SKP2: variants seen among roughly 807,000 people sequenced by gnomAD.
The protein encoded by SKP2 is S-phase kinase associated protein 2.
SKP2 carries 16 observed loss-of-function variants against 51.8 expected under a neutral mutation model. That is an observed-to-expected ratio of 0.31 (90% CI 0.21 to 0.47). SKP2 has a LOEUF of 0.47. Among genes scored for constraint, SKP2 ranks in the 20% least tolerant of loss-of-function variants. The probability of loss-of-function intolerance (pLI) is 1.00; values close to 1 mark genes in which losing one functional copy is unlikely to be tolerated. For missense variants in SKP2, 377 were observed against 505.3 expected, an observed-to-expected ratio of 0.75 and a Z score of 2.43; for synonymous variants, 176 against 198.6, an observed-to-expected ratio of 0.89 and a Z score of 0.96.
chr5:36,162,294 A>G (rs1202606293), intron 2 of SKP2, among the ~76,000 whole-genome samples: 1 of 152,168 alleles, frequency 6.6e-6, no homozygotes, highest in East Asian at 1.9e-4. Context: ...GCTATGCCTC[A>G]AACACACATG....
chr5:36,184,100 G>A lies in SKP2; in HGVS notation c.*2069G>A, dbSNP rs895894279. ...TAAGTGCTGTGGTTAAAATTTGAAAGCATTTAGTGTGGTATGCCATTTGGC... is the reference window on the plus strand; with the variant it reads ...TAAGTGCTGTGGTTAAAATTTGAAAACATTTAGTGTGGTATGCCATTTGGC... On this transcript the variant is annotated 3_prime_UTR_variant, in exon 10 of 10. Coordinates refer to ENST00000274255, the MANE Select transcript of SKP2 (RefSeq NM_005983.4). 10 of 723,916 alleles carry A rather than the reference G, an allele frequency of 1.4e-5. No individual in the cohort carries two copies. The highest frequency in any genetic ancestry group is 2.0e-5 in the Non-Finnish European group (9 of 446,022). The allele number at this position is 723,916 out of a possible 1,614,324, so 44.8% of individuals were successfully genotyped here.
chr5:36,190,265 G>A (rs1028830415), intron 6 of SKP2, among the ~76,000 whole-genome samples: 5 of 151,938 alleles, frequency 3.3e-5, no homozygotes, highest in Admixed American at 6.6e-5. Flanking sequence ...AGACGAACCC[G>A]GTACCCCAGT....
intron 9 of SKP2, chr5:36,180,201 A>G: frequency 8.7e-7 from 1 of 1,149,186 alleles, no homozygotes; most frequent in Non-Finnish European, 1.2e-6. Context: ...GCTAATTTGG[A>G]TATACCAGAA....
At chr5:36,177,046 A>G in intron 8 of SKP2, 30 bp downstream of exon 8, 1 of 1,505,146 alleles carries the variant, frequency 6.6e-7, no homozygotes, top group African/African-American at 1.4e-5. Flanking sequence ...TTTTAGATCA[A>G]AAGTTGAAAA....
In SKP2 at chr5:36,171,530, T is replaced by G. The variant is rs911179604; in HGVS notation, c.771-73T>G. The G allele has an allele frequency of 6.8e-6, 9 of 1,330,286 alleles. No homozygotes were observed. In the African/African-American group the frequency reaches 1.3e-4, roughly 19 times the overall value. The allele number at this position is 1,330,286 out of a possible 1,614,324, so 82.4% of individuals were successfully genotyped here. A position where few individuals can be genotyped will look rare whatever the true frequency, so the allele number is the denominator to read the frequency against. ...GGAATCCATGGTTTTATATTTTCTTTGTTTGCAGTTTGAGGCAAACTCATT... is the reference window on the plus strand; with the variant it reads ...GGAATCCATGGTTTTATATTTTCTTGGTTTGCAGTTTGAGGCAAACTCATT... On this transcript the variant is annotated intron_variant, in intron 6 of 9. Transcript: ENST00000274255.
chr5:36,157,930 C>G (rs146270029), intron 2 of SKP2, among the ~76,000 whole-genome samples: 58 of 152,292 alleles, frequency 3.8e-4, no homozygotes, highest in Non-Finnish European at 5.9e-4. Flanking sequence ...ATAGAAAACT[C>G]TCCAACAAGG....
At chr5:36,161,676 G>A (rs920250905) in intron 2 of SKP2, among the ~76,000 whole-genome samples, 7 of 152,172 alleles carry the variant, frequency 4.6e-5, no homozygotes, top group Non-Finnish European at 1.0e-4. Context: ...CTAACTGGGG[G>A]AAAGACATGC....
chr5:36,184,229 G>T lies in SKP2; in HGVS notation c.*2198G>T. The T allele has an allele frequency of 3.1e-6, 1 of 325,700 alleles. No individual in the cohort carries two copies. Among genetic ancestry groups the T allele is most frequent in the Non-Finnish European group, 5.5e-6 (1 of 181,076 alleles). 20.2% of individuals were successfully genotyped at this position (325,700 alleles called of 1,614,324 possible). On this transcript the variant is annotated 3_prime_UTR_variant, in exon 10 of 10. Coordinates refer to ENST00000274255, the MANE Select transcript of SKP2 (RefSeq NM_005983.4). ...CACATTAAAAAAAAAAGTTTATAAT[G>T]CCTTTATAAAAGGGGCTAATACAGT...
At chr5:36,187,351 C>G (rs1745965483), downstream of SKP2, among the ~76,000 whole-genome samples, 1 of 152,114 alleles carries the variant, frequency 6.6e-6, no homozygotes, top group Non-Finnish European at 1.5e-5. Context: ...TAGATCTTTC[C>G]TGCTTTCTCT....
chr5:36,184,613 T>C (rs1216496905), downstream of SKP2, among the ~76,000 whole-genome samples: 1 of 152,222 alleles, frequency 6.6e-6, no homozygotes, highest in Non-Finnish European at 1.5e-5. Flanking sequence ...TATGGCTGCA[T>C]AGTGTTCCAT....
At chr5:36,158,625 T>G (rs1260302481) in intron 2 of SKP2, among the ~76,000 whole-genome samples, 1 of 152,238 alleles carries the variant, frequency 6.6e-6, no homozygotes, top group Non-Finnish European at 1.5e-5. Flanking sequence ...CTAGCCCTGA[T>G]TGATTTCTGT....
In SKP2 at chr5:36,183,121, G is replaced by A. The variant is rs1745863268; in HGVS notation, c.*1090G>A. 1 of 984,196 alleles carries A rather than the reference G, an allele frequency of 1.0e-6. No individual in the cohort carries two copies. The highest frequency in any genetic ancestry group is 1.1e-4 in the East Asian group (1 of 8,816). 61.0% of individuals were successfully genotyped at this position (984,196 alleles called of 1,614,324 possible). A position where few individuals can be genotyped will look rare whatever the true frequency, so the allele number is the denominator to read the frequency against. On this transcript the variant is annotated 3_prime_UTR_variant, in exon 10 of 10. Coordinates refer to ENST00000274255, the MANE Select transcript of SKP2 (RefSeq NM_005983.4). The stretch of plus-strand genomic sequence containing the variant: ...AATCAGAAATATACAGTAGAAGCAG[G>A]TATATCTTCCATGCAGTTTCAGTAG...
At chr5:36,161,953 G>T (rs1430692047) in intron 2 of SKP2, among the ~76,000 whole-genome samples, 1 of 152,114 alleles carries the variant, frequency 6.6e-6, no homozygotes, top group African/African-American at 2.4e-5. Context: ...TTCCTTCTTG[G>T]CAATTGTTAC....
At chr5:36,180,354 C>T in intron 9 of SKP2, 1 of 843,020 alleles carries the variant, frequency 1.2e-6, no homozygotes, top group South Asian at 1.4e-5. Context: ...TTCTACATTC[C>T]AGAAAGCAGT....
intron 5 of SKP2, among the ~76,000 whole-genome samples, chr5:36,169,434 A>C (rs1160002429): frequency 7.9e-6 from 1 of 127,356 alleles, no homozygotes; most frequent in Non-Finnish European, 1.7e-5. Context: ...GACAAGAGCA[A>C]AACTCCATCT....
At position 36,182,268 on chromosome 5, in the gene SKP2, A is replaced by C; in HGVS notation, c.*237A>C. ...AAAGTTGTAGGCCTTTTGAAATTTT[A>C]GGAGAGTGAGCCTATAATTTCAAGA... On this transcript the variant is annotated 3_prime_UTR_variant, in exon 10 of 10. Transcript: ENST00000274255. 2.3e-6 allele frequency: 3 copies of C among 1,281,610 alleles called. No individual in the cohort carries two copies. The highest frequency in any genetic ancestry group is 2.4e-5 in the South Asian group (1 of 42,066). 79.4% of individuals were successfully genotyped at this position (1,281,610 alleles called of 1,614,324 possible).
downstream of SKP2, among the ~76,000 whole-genome samples, chr5:36,185,906 G>GT (rs769655994): frequency 5.3e-5 from 8 of 152,144 alleles, no homozygotes; most frequent in African/African-American, 9.7e-5. Flanking sequence ...TCTCCCATTT[G>GT]TTTGTGTCCT....
In SKP2 at chr5:36,170,395, T is replaced by G; in HGVS notation, c.723T>G (p.Ser241=). 1 of 1,613,558 alleles carries G rather than the reference T, an allele frequency of 6.2e-7. No individual in the cohort carries two copies. Among genetic ancestry groups the G allele is most frequent in the Non-Finnish European group, 8.5e-7 (1 of 1,179,644 alleles). Residue 241 remains serine (S), a synonymous_variant, in exon 6 of 10, where the codon TCT becomes TCG. Coordinates refer to ENST00000274255, the MANE Select transcript of SKP2 (RefSeq NM_005983.4). Reference sequence around the variant, plus strand: ...TGCGACTTAACCTTTCTGGGTGTTCTGGATTCTCTGAATTTGCCCTGCAGA... The same window carrying G: ...TGCGACTTAACCTTTCTGGGTGTTCGGGATTCTCTGAATTTGCCCTGCAGA... The part of the protein sequence containing the change: ...NLVRLNLSGC[S]GFSEFALQTL...
intron 9 of SKP2, 39 bp from the exon 10 acceptor site, chr5:36,181,779 A>G: frequency 1.9e-6 from 3 of 1,609,198 alleles, no homozygotes; most frequent in Non-Finnish European, 2.5e-6. Context: ...CAGTTTCCAT[A>G]GATACTGCTA....
Sources: allele counts gnomAD v4.1 joint callset (sites outside exome capture counted in the v4.1 genomes callset), GRCh38; gene constraint gnomAD v4.1.1; transcripts MANE v1.5; gene names NCBI Gene and HGNC (gene_info 2026-07-23, HGNC 2026-07-21).